The following C9orf72 variants were observed in gnomAD, a reference collection of about 807,000 sequenced individuals.
C9orf72 encodes the protein C9orf72-SMCR8 complex subunit.
C9orf72 carries 44 observed loss-of-function variants against 51.6 expected under a neutral mutation model. The ratio of observed to expected loss-of-function variants is 0.85; its 90% CI spans 0.67 to 1.10. C9orf72 has a LOEUF of 1.10. Ranked by LOEUF, C9orf72 falls within the 50% of genes least tolerant of loss-of-function variation. The pLI is 0.00. For synonymous variants in C9orf72, 213 were observed against 194.2 expected (o/e 1.10, Z -0.81); for missense variants, 607 against 570.6 (o/e 1.06, Z -0.65).
In C9orf72 at chr9:27,560,242, T is replaced by A. The variant is rs1411186577; in HGVS notation, c.723A>T (p.Ala241=). Residue 241 remains alanine, a synonymous_variant, in exon 6 of 11, where the codon GCA becomes GCT. Coordinates refer to ENST00000380003, the MANE Select transcript of C9orf72 (RefSeq NM_018325.5). ...AATAAACTACCTTATTTACTTTCTCTGCACTGCTACCTACTACAACGGAAC... is the reference window on the plus strand; with the variant it reads ...AATAAACTACCTTATTTACTTTCTCAGCACTGCTACCTACTACAACGGAAC... ...CGCSVVVGSS[A]EKVNKIVRTL... is the part of the protein sequence containing the mutation. 6.2e-7 allele frequency: 1 copy of A among 1,607,858 alleles called. No individual in the cohort carries two copies. Among genetic ancestry groups the A allele is most frequent in the African/African-American group, 1.3e-5 (1 of 74,684 alleles).
rs1240344192 is a variant in C9orf72, at chr9:27,556,334, T to C, written c.1091+227A>G. On this transcript the variant is annotated intron_variant, in intron 8 of 10. Coordinates refer to ENST00000380003, the MANE Select transcript of C9orf72 (RefSeq NM_018325.5). ...CAATATATATTTATTAAACAAATAG[T>C]TAAATATTTACTTTAAGGGTTAATC... The C allele has an allele frequency of 1.4e-5, 8 of 570,130 alleles. No homozygotes were observed. The East Asian group carries it at 1.7e-4, about 12-fold the overall frequency. The allele number at this position is 570,130 out of a possible 1,614,324, so 35.3% of individuals were successfully genotyped here.
chr9:27,557,385 T>C (rs1188663390), intron 7 of C9orf72, among the ~76,000 whole-genome samples: 3 of 152,176 alleles, frequency 2.0e-5, no homozygotes, highest in African/African-American at 7.2e-5. Flanking sequence ...TGAGGCACTG[T>C]GCTATGAACA....
intron 9 of C9orf72, among the ~76,000 whole-genome samples, 182 bp from the exon 10 acceptor site, chr9:27,548,848 ATT>A (rs199834267): frequency 7.6e-5 from 11 of 145,122 alleles, no homozygotes; most frequent in East Asian, 2.0e-4. Flanking sequence ...ACAATCTGAT[ATT>A]TTTTTTTTTT....
At chr9:27,560,439 A>G (rs759437610) in intron 5 of C9orf72, 140 bp from the exon 6 acceptor site, 11 of 674,166 alleles carry the variant, frequency 1.6e-5, no homozygotes, top group Non-Finnish European at 2.3e-5. Flanking sequence ...GCACAATGTT[A>G]TCTTTTATTT....
In C9orf72 at chr9:27,548,651, G is replaced by C. The variant is rs1447618380; in HGVS notation, c.1165C>G (p.Pro389Ala). 1 of 1,607,970 alleles carries C rather than the reference G, an allele frequency of 6.2e-7. No homozygotes were observed. Among genetic ancestry groups the C allele is most frequent in the Non-Finnish European group, 8.5e-7 (1 of 1,174,540 alleles). The part of the protein sequence containing the change: ...AFLDQVFQLK[P>A]GLSLRSTFLA... ...AAAGTACTTCTGAGAGATAAGCCAG[G>C]TTTCAGCTGAAAGACCTGCAGGGAG... The change falls in exon 10 of 11, where the codon CCT becomes GCT. Residue 389 changes from proline (P) to alanine (A), a missense_variant. Pro to Ala is a conservative substitution (Grantham distance 27). Coordinates refer to ENST00000380003, the MANE Select transcript of C9orf72 (RefSeq NM_018325.5).
At position 27,558,550 on chromosome 9, in the gene C9orf72, A is replaced by G. The variant is rs755714382; in HGVS notation, c.796T>C (p.Cys266Arg). The change falls in exon 7 of 11, where the codon TGT (cysteine) becomes CGT (arginine). Residue 266 changes from cysteine (C) to arginine (R), a missense_variant. Cys to Arg is a radical substitution (Grantham distance 180, BLOSUM62 -3). Coordinates refer to ENST00000380003, the MANE Select transcript of C9orf72 (RefSeq NM_018325.5). ...TATTTAAATGATGATTCTGCTTCAC[A>G]TAACCTGGAGCATTTTCTCTCTGCT... is the stretch of plus-strand genomic sequence containing the variant. ...TPAERKCSRL[C>R]EAESSFKYES... 5.6e-6 allele frequency: 9 copies of G among 1,609,358 alleles called. No homozygotes were observed. Among genetic ancestry groups the G allele is most frequent in the Non-Finnish European group, 7.6e-6 (9 of 1,178,076 alleles).
At chr9:27,558,105 GA>G (rs1819252158) in intron 7 of C9orf72, among the ~76,000 whole-genome samples, 1 of 149,334 alleles carries the variant, frequency 6.7e-6, no homozygotes, top group Non-Finnish European at 1.5e-5. Flanking sequence ...ACATACATAG[GA>G]ATTGCTTAAA....
rs958553991 is a variant in C9orf72 at position 27,546,972 on chromosome 9, A to G, written c.*1264T>C. 7.9e-5 allele frequency: 12 copies of G among 152,282 alleles called. No individual in the cohort carries two copies. The highest frequency in any genetic ancestry group is 2.9e-4 in the African/African-American group (12 of 41,422). 9.4% of individuals were successfully genotyped at this position (152,282 alleles called of 1,614,324 possible). The stretch of plus-strand genomic sequence containing the variant: ...CTTATAAATATATTTTCCCTTTTAT[A>G]TTACTTCCAGAATTTTAAATAAAAT... On this transcript the variant is annotated 3_prime_UTR_variant, in exon 11 of 11. Coordinates refer to ENST00000380003, the MANE Select transcript of C9orf72 (RefSeq NM_018325.5).
intron 9 of C9orf72, among the ~76,000 whole-genome samples, chr9:27,550,436 T>A (rs563446661): frequency 1.4e-4 from 21 of 152,134 alleles, no homozygotes; most frequent in Admixed American, 1.3e-4. Context: ...AGCATAAATC[T>A]AGGACAAGAG....
upstream of C9orf72, chr9:27,573,579 A>G (rs78074330): frequency 0.061 from 7,692 of 125,706 alleles, 421 homozygotes; most frequent in African/African-American, 0.17. Flanking sequence ...AGAGCTTGCT[A>G]CAGGCTGCGG....
Position 27,548,234 on chromosome 9 carries a change from A to T in C9orf72, c.*2T>A, listed in dbSNP as rs764166431. 1 of 1,603,090 alleles carries T rather than the reference A, an allele frequency of 6.2e-7. No individual in the cohort carries two copies. Among genetic ancestry groups the T allele is most frequent in the Non-Finnish European group, 8.5e-7 (1 of 1,173,908 alleles). On this transcript the variant is annotated 3_prime_UTR_variant, in exon 11 of 11. Transcript: ENST00000380003. ...ATGGAATAGGCTTATTAAGTTACAC[A>T]TTTAAAAAGTCATTAGAACATCTCG... is the stretch of plus-strand genomic sequence containing the variant.
At chr9:27,556,327 C>G in intron 8 of C9orf72, 1 of 564,682 alleles carries the variant, frequency 1.8e-6, no homozygotes, top group Non-Finnish European at 3.1e-6. Flanking sequence ...ATTTATTAAA[C>G]AAATAGTTAA....
In C9orf72 at chr9:27,548,436, A is replaced by G. The variant is rs764751687; in HGVS notation, c.1260-14T>C. ...TTTCCCTTCTGCCTAAAAATAATGGAAAAAAAAAAAAAAAAAAAAAAAAAA... is the reference window on the plus strand; with the variant it reads ...TTTCCCTTCTGCCTAAAAATAATGGGAAAAAAAAAAAAAAAAAAAAAAAAA... On this transcript the variant is annotated splice_polypyrimidine_tract_variant and intron_variant, in intron 10 of 10. Transcript: ENST00000380003. The G allele has an allele frequency of 7.9e-4, 183 of 232,118 alleles. No individual in the cohort carries two copies. Among genetic ancestry groups the G allele is most frequent in the East Asian group, 1.9e-3 (3 of 1,612 alleles). The allele number at this position is 232,118 out of a possible 1,614,324, so 14.4% of individuals were successfully genotyped here.
Position 27,548,613 on chromosome 9 carries a change from A to G in C9orf72, c.1203T>C (p.Phe401=), listed in dbSNP as rs1820833178. ...AGGCTTTTCTGTGAAGGACAAGTAGAAACTGTGCAAGGAAAGTACTTCTGA... is the reference window on the plus strand; with the variant it reads ...AGGCTTTTCTGTGAAGGACAAGTAGGAACTGTGCAAGGAAAGTACTTCTGA... ...LSLRSTFLAQ[F]LLVLHRKALT... Residue 401 remains phenylalanine (F), a synonymous_variant, in exon 10 of 11, where the codon TTT becomes TTC. Coordinates refer to ENST00000380003, the MANE Select transcript of C9orf72 (RefSeq NM_018325.5). 1 of 1,613,008 alleles carries G rather than the reference A, an allele frequency of 6.2e-7. No individual in the cohort carries two copies. Among genetic ancestry groups the G allele is most frequent in the Non-Finnish European group, 8.5e-7 (1 of 1,179,040 alleles).
intron 5 of C9orf72, 50 bp downstream of exon 5, chr9:27,561,535 A>G: frequency 6.2e-7 from 1 of 1,605,052 alleles, no homozygotes; most frequent in Non-Finnish European, 8.5e-7. Context: ...ATAGGTGAGC[A>G]TAAGATGGTA....
intron 3 of C9orf72, among the ~76,000 whole-genome samples, chr9:27,563,125 A>G (rs554039644): frequency 3.3e-5 from 5 of 152,210 alleles, no homozygotes; most frequent in Non-Finnish European, 7.3e-5. Context: ...CAAATAGGTA[A>G]GGAAAACTTG....
chr9:27,553,041 C>T (rs1259266589), intron 8 of C9orf72, among the ~76,000 whole-genome samples: 1 of 152,028 alleles, frequency 6.6e-6, no homozygotes, highest in African/African-American at 2.4e-5. Context: ...ATAATACCAG[C>T]TTTTCTTTAT....
At position 27,563,443 on chromosome 9, in the gene C9orf72, T is replaced by C. The variant is rs992894909; in HGVS notation, c.505-967A>G. On this transcript the variant is annotated intron_variant, in intron 3 of 10. Transcript: ENST00000380003. ...TTGGTTAAGTAAATTTTTTGAGATA[T>C]AAATGAAATTGTCAAATGACTATGC... is the stretch of plus-strand genomic sequence containing the variant. 8.5e-5 allele frequency among the ~76,000 whole-genome samples: 13 copies of C among 152,222 alleles called. No individual in the cohort carries two copies. In the East Asian group the frequency reaches 2.1e-3, roughly 25 times the overall value.
rs540932744 is a variant in C9orf72, at chr9:27,547,990, T to C, written c.*246A>G. 2.6e-4 allele frequency: 75 copies of C among 286,596 alleles called. No individual in the cohort carries two copies. The highest frequency in any genetic ancestry group is 1.5e-3 in the African/African-American group (69 of 46,266). 17.8% of individuals were successfully genotyped at this position (286,596 alleles called of 1,614,324 possible). A position where few individuals can be genotyped will look rare whatever the true frequency, so the allele number is the denominator to read the frequency against. On this transcript the variant is annotated 3_prime_UTR_variant, in exon 11 of 11. Coordinates refer to ENST00000380003, the MANE Select transcript of C9orf72 (RefSeq NM_018325.5). ...TTATATCTTTAAAAGATAGCAATAA[T>C]ATTTATTATATTGTAAACATAGGTC... is the stretch of plus-strand genomic sequence containing the variant.
Sources: gnomAD v4.1 joint callset for allele counts (sites outside exome capture counted in the v4.1 genomes callset) on GRCh38, gnomAD v4.1.1 for gene constraint, MANE v1.5 for transcripts, NCBI Gene and HGNC (gene_info 2026-07-23, HGNC 2026-07-21) for gene names.